NR6A1: variants seen among roughly 807,000 people sequenced by gnomAD.
NR6A1 encodes the protein retinoic acid receptor-related testis-associated receptor.
Under a neutral mutation model 59.1 loss-of-function variants are expected in NR6A1, and 7 were observed. The ratio of observed to expected loss-of-function variants is 0.12; its 90% CI spans 0.07 to 0.22. The LOEUF is 0.22. Ranked by LOEUF, NR6A1 falls within the 10% of genes least tolerant of loss-of-function variation. NR6A1 has a pLI of 1.00. For synonymous variants in NR6A1, 243 were observed against 236.1 expected (o/e 1.03, Z -0.27); for missense variants, 468 against 611.6 (o/e 0.77, Z 2.48).
intron 2 of NR6A1, among the ~76,000 whole-genome samples, chr9:124,596,722 T>A (rs951743954): frequency 1.3e-5 from 2 of 152,174 alleles, no homozygotes; most frequent in African/African-American, 4.8e-5. Flanking sequence ...CAGCAGAGTG[T>A]ATAACACCGA....
intron 2 of NR6A1, among the ~76,000 whole-genome samples, chr9:124,705,494 A>G (rs1057189080): frequency 6.6e-6 from 1 of 151,998 alleles, no homozygotes; most frequent in African/African-American, 2.4e-5. Flanking sequence ...TAATATAGTT[A>G]CTCCAGCTCT....
At chr9:124,567,116 A>T (rs1049952203) in intron 2 of NR6A1, among the ~76,000 whole-genome samples, 1 of 151,998 alleles carries the variant, frequency 6.6e-6, no homozygotes, top group African/African-American at 2.4e-5. Flanking sequence ...TCAAAAAAAA[A>T]AAAATAAATA....
intron 2 of NR6A1, among the ~76,000 whole-genome samples, chr9:124,644,132 C>G (rs1754501638): frequency 1.3e-5 from 2 of 152,030 alleles, no homozygotes; most frequent in African/African-American, 4.8e-5. Flanking sequence ...ATCTCTTGAC[C>G]TCGTTGTGAT....
intron 2 of NR6A1, among the ~76,000 whole-genome samples, chr9:124,625,367 A>G (rs1024484220): frequency 2.6e-5 from 4 of 152,194 alleles, no homozygotes; most frequent in African/African-American, 9.6e-5. Context: ...TCGCTTTGCC[A>G]CCCAGGCTGA....
intron 2 of NR6A1, among the ~76,000 whole-genome samples, chr9:124,611,829 T>A (rs1315702317): frequency 7.1e-6 from 1 of 140,538 alleles, no homozygotes; most frequent in Non-Finnish European, 1.5e-5. Context: ...AGGTCAACAC[T>A]GAGCAATTCC....
At chr9:124,765,464 T>G (rs528580233) in intron 1 of NR6A1, among the ~76,000 whole-genome samples, 1 of 152,230 alleles carries the variant, frequency 6.6e-6, no homozygotes, top group Admixed American at 6.5e-5. Flanking sequence ...AATTTGGGAG[T>G]TCAATTATTC....
At chr9:124,690,674 A>G (rs1033743255) in intron 2 of NR6A1, among the ~76,000 whole-genome samples, 1 of 152,124 alleles carries the variant, frequency 6.6e-6, no homozygotes, top group African/African-American at 2.4e-5. Flanking sequence ...TGCTGGGATT[A>G]CATGTGCCAC....
chr9:124,714,757 AAAT>A (rs1385758751), intron 2 of NR6A1, among the ~76,000 whole-genome samples: 1 of 152,228 alleles, frequency 6.6e-6, no homozygotes, highest in East Asian at 1.9e-4. Context: ...TAAAATTTAA[AAAT>A]AATATCATTT....
chr9:124,648,153 T>C (rs1184044673), intron 2 of NR6A1, among the ~76,000 whole-genome samples: 2 of 152,064 alleles, frequency 1.3e-5, no homozygotes, highest in Non-Finnish European at 2.9e-5. Flanking sequence ...ATTCAACATA[T>C]ACAAATCCAT....
chr9:124,599,252 C>G, intron 2 of NR6A1: 1 of 428,712 alleles, frequency 2.3e-6, no homozygotes, highest in East Asian at 5.2e-5. Flanking sequence ...AGACCAGTCT[C>G]GTCAACATGG....
intron 2 of NR6A1, 79 bp downstream of exon 2, chr9:124,733,229 C>T (rs10760374): frequency 0.51 from 512,860 of 1,015,214 alleles, 130,894 homozygotes; most frequent in Admixed American, 0.66. Context: ...TTATCAATGA[C>T]ACCTTAAGTT....
At chr9:124,763,388 C>T (rs1417552488) in intron 1 of NR6A1, among the ~76,000 whole-genome samples, 3 of 152,120 alleles carry the variant, frequency 2.0e-5, no homozygotes, top group African/African-American at 7.2e-5. Context: ...AATGTCAATA[C>T]AGTAAAAAAG....
chr9:124,741,021 C>T (rs1840160103), intron 1 of NR6A1, among the ~76,000 whole-genome samples: 1 of 152,184 alleles, frequency 6.6e-6, no homozygotes, highest in Admixed American at 6.5e-5. Flanking sequence ...TTTCACTATT[C>T]TCAACTTTTA....
At chr9:124,749,193 C>A (rs937406909) in intron 1 of NR6A1, among the ~76,000 whole-genome samples, 3 of 149,878 alleles carry the variant, frequency 2.0e-5, no homozygotes, top group African/African-American at 7.4e-5. Flanking sequence ...ACCCGAGAGG[C>A]GGAGGTTGCA....
chr9:124,522,653 T>C lies in NR6A1; in HGVS notation c.*52A>G, dbSNP rs956791576. On this transcript the variant is annotated 3_prime_UTR_variant, in exon 10 of 10. Transcript: ENST00000487099. Reference sequence around the variant, plus strand: ...CTCTGGCTTTTCCCTCCAGAGCCTGTCCTGCCCACCCAAGACGCTGTGGTT... The same window carrying C: ...CTCTGGCTTTTCCCTCCAGAGCCTGCCCTGCCCACCCAAGACGCTGTGGTT... 4.8e-6 allele frequency: 7 copies of C among 1,464,052 alleles called. No homozygotes were observed. The African/African-American group carries it at 9.8e-5, about 21-fold the overall frequency. 90.7% of individuals were successfully genotyped at this position (1,464,052 alleles called of 1,614,324 possible).
intron 2 of NR6A1, among the ~76,000 whole-genome samples, chr9:124,728,789 C>T (rs1839801166): frequency 6.6e-6 from 1 of 152,130 alleles, no homozygotes; most frequent in Non-Finnish European, 1.5e-5. Context: ...AAGACTGCTT[C>T]AGAGTTTGCA....
At chr9:124,582,127 C>T (rs567278022) in intron 2 of NR6A1, among the ~76,000 whole-genome samples, 1 of 152,224 alleles carries the variant, frequency 6.6e-6, no homozygotes, top group East Asian at 1.9e-4. Context: ...TGTACATGTA[C>T]ATTCATTGCA....
At position 124,611,657 on chromosome 9, in the gene NR6A1, G is replaced by A. The variant is rs1275330002; in HGVS notation, c.143-57087C>T. Among the ~76,000 whole-genome samples the A allele has an allele frequency of 2.0e-5, 3 of 151,878 alleles. No individual in the cohort carries two copies. The East Asian group carries it at 5.8e-4, about 29-fold the overall frequency. On this transcript the variant is annotated intron_variant, in intron 2 of 9. Transcript: ENST00000487099. ...CTAGCTATGTGGGGGGCTGAGGTGGGAGGATCACTTGAGCCTAGGAGGTCG... is the reference window on the plus strand; with the variant it reads ...CTAGCTATGTGGGGGGCTGAGGTGGAAGGATCACTTGAGCCTAGGAGGTCG...
chr9:124,665,191 A>T (rs1007936013), intron 2 of NR6A1, among the ~76,000 whole-genome samples: 5 of 151,810 alleles, frequency 3.3e-5, no homozygotes, highest in African/African-American at 1.2e-4. Flanking sequence ...CTCAAAAAAA[A>T]AAAAAAGAAT....
Sources: allele counts gnomAD v4.1 joint callset (sites outside exome capture counted in the v4.1 genomes callset), GRCh38; gene constraint gnomAD v4.1.1; transcripts MANE v1.5; gene names NCBI Gene and HGNC (gene_info 2026-07-23, HGNC 2026-07-21).